KCND2: variants seen among roughly 807,000 people sequenced by gnomAD.
KCND2 encodes potassium voltage-gated channel subfamily D member 2, also known as A-type voltage-gated potassium channel KCND2.
KCND2 carries 16 observed loss-of-function variants against 54.4 expected under a neutral mutation model. The observed-to-expected ratio is 0.29, with a 90% CI of 0.20 to 0.45. The LOEUF (loss-of-function observed/expected upper bound fraction) is 0.45. Among genes scored for constraint, KCND2 ranks in the 20% least tolerant of loss-of-function variants. KCND2 has a pLI of 1.00. For synonymous variants in KCND2, 317 were observed against 310.7 expected, an observed-to-expected ratio of 1.02 and a Z score of -0.21; for missense variants, 486 against 824.2, an observed-to-expected ratio of 0.59 and a Z score of 5.02.
chr7:120,604,171 A>G (rs913010275), intron 1 of KCND2, among the ~76,000 whole-genome samples: 1 of 152,148 alleles, frequency 6.6e-6, no homozygotes, highest in Non-Finnish European at 1.5e-5. Context: ...GTGAGTGTGC[A>G]AGGAAGTCCT....
chr7:120,572,110 C>T (rs1029198888), intron 1 of KCND2, among the ~76,000 whole-genome samples: 1 of 151,004 alleles, frequency 6.6e-6, no homozygotes, highest in Non-Finnish European at 1.5e-5. Context: ...TGATCCTTGC[C>T]ATGTAAGTTC....
chr7:120,589,220 A>G (rs1405241657), intron 1 of KCND2, among the ~76,000 whole-genome samples: 1 of 152,242 alleles, frequency 6.6e-6, no homozygotes, highest in African/African-American at 2.4e-5. Context: ...TAGTAGAATT[A>G]TAAGTACACC....
chr7:120,603,522 T>G (rs1527650), intron 1 of KCND2, among the ~76,000 whole-genome samples: 22,820 of 152,126 alleles, frequency 0.15, 2,349 homozygotes, highest in African/African-American at 0.3. Context: ...GCACTGAGCT[T>G]GATATGTATG....
intron 1 of KCND2, among the ~76,000 whole-genome samples, chr7:120,389,835 AT>A (rs903245406): frequency 2.6e-5 from 4 of 151,852 alleles, no homozygotes; most frequent in African/African-American, 4.8e-5. Context: ...TTGTTGAATA[AT>A]TTTTTAAACC....
At chr7:120,278,675 C>T (rs536108105) in intron 1 of KCND2, among the ~76,000 whole-genome samples, 1 of 151,422 alleles carries the variant, frequency 6.6e-6, no homozygotes, top group Non-Finnish European at 1.5e-5. Flanking sequence ...GTATTTGTAT[C>T]ACCATTTTAT....
intron 1 of KCND2, among the ~76,000 whole-genome samples, chr7:120,683,455 T>G (rs555327679): frequency 2.6e-5 from 4 of 152,264 alleles, no homozygotes; most frequent in East Asian, 1.9e-4. Flanking sequence ...AGCACTAATT[T>G]GAAAGATGCT....
chr7:120,410,722 G>A (rs1801437820), intron 1 of KCND2, among the ~76,000 whole-genome samples: 1 of 121,676 alleles, frequency 8.2e-6, no homozygotes, highest in African/African-American at 3.3e-5. Flanking sequence ...ACAGGCCCTA[G>A]TGTGTGATGT....
chr7:120,473,989 C>T (rs773608413), intron 1 of KCND2, among the ~76,000 whole-genome samples: 1 of 152,162 alleles, frequency 6.6e-6, no homozygotes, highest in Non-Finnish European at 1.5e-5. Flanking sequence ...TCATTCTTGA[C>T]TGAAACCTGC....
chr7:120,470,534 C>G (rs183557278), intron 1 of KCND2, among the ~76,000 whole-genome samples: 1 of 152,018 alleles, frequency 6.6e-6, no homozygotes, highest in African/African-American at 2.4e-5. Flanking sequence ...AGGATGTTCT[C>G]CTCCTCCCAG....
intron 1 of KCND2, among the ~76,000 whole-genome samples, chr7:120,442,063 A>G (rs1330792998): frequency 2.6e-5 from 4 of 152,130 alleles, no homozygotes; most frequent in Non-Finnish European, 5.9e-5. Context: ...AACAGAAACT[A>G]TATTATTACA....
intron 1 of KCND2, among the ~76,000 whole-genome samples, chr7:120,353,599 G>T (rs1446846745): frequency 6.6e-6 from 1 of 152,150 alleles, no homozygotes; most frequent in Non-Finnish European, 1.5e-5. Flanking sequence ...CCAAGAATCG[G>T]TTAAGATTCT....
At chr7:120,551,321 C>G (rs1031141898) in intron 1 of KCND2, among the ~76,000 whole-genome samples, 4 of 152,168 alleles carry the variant, frequency 2.6e-5, no homozygotes, top group Non-Finnish European at 5.9e-5. Flanking sequence ...GTGAGCAGCT[C>G]AACATATGGA....
intron 1 of KCND2, among the ~76,000 whole-genome samples, chr7:120,346,826 T>G (rs1800325482): frequency 6.6e-6 from 1 of 152,122 alleles, no homozygotes; most frequent in Admixed American, 6.6e-5. Flanking sequence ...GAAGCTTCTT[T>G]TAGACATTCC....
intron 1 of KCND2, among the ~76,000 whole-genome samples, chr7:120,697,757 G>A (rs568603510): frequency 3.9e-5 from 6 of 152,218 alleles, no homozygotes; most frequent in East Asian, 1.9e-4. Flanking sequence ...GAAGCACCAC[G>A]CCACTGAACA....
chr7:120,436,931 A>G (rs1354553067), intron 1 of KCND2, among the ~76,000 whole-genome samples: 2 of 152,148 alleles, frequency 1.3e-5, no homozygotes, highest in Admixed American at 6.5e-5. Flanking sequence ...CTCTTTCAGT[A>G]TGGAGACTTG....
At chr7:120,416,614 G>A (rs987317964) in intron 1 of KCND2, among the ~76,000 whole-genome samples, 1 of 152,050 alleles carries the variant, frequency 6.6e-6, no homozygotes, top group African/African-American at 2.4e-5. Context: ...CCAGTGTATT[G>A]CTCTCACAAC....
chr7:120,609,032 TGG>T (rs1562886995), intron 1 of KCND2, among the ~76,000 whole-genome samples: 1 of 152,170 alleles, frequency 6.6e-6, no homozygotes, highest in Non-Finnish European at 1.5e-5. Flanking sequence ...CTACTCAGGC[TGG>T]GATATAACCT....
At chr7:120,415,329 A>G (rs999459442) in intron 1 of KCND2, among the ~76,000 whole-genome samples, 3 of 152,208 alleles carry the variant, frequency 2.0e-5, no homozygotes, top group Non-Finnish European at 4.4e-5. Flanking sequence ...TCAATTTTAT[A>G]TGGGAGACAA....
In KCND2 at chr7:120,538,477, G is replaced by A. The variant is rs1434196841; in HGVS notation, c.1116-194426G>A. ...ACAGGCCACTGGGACAACTATGATT[G>A]CCACCAAAAGCTGCATGGTCATGGT... is the stretch of plus-strand genomic sequence containing the variant. On this transcript the variant is annotated intron_variant, in intron 1 of 5. Transcript: ENST00000331113. Among the ~76,000 whole-genome samples the A allele has an allele frequency of 3.3e-5, 5 of 152,160 alleles. No homozygotes were observed. In the East Asian group the frequency reaches 7.7e-4, roughly 23 times the overall value.
Sources: allele counts gnomAD v4.1 joint callset (sites outside exome capture counted in the v4.1 genomes callset), GRCh38; gene constraint gnomAD v4.1.1; transcripts MANE v1.5; gene names NCBI Gene and HGNC (gene_info 2026-07-23, HGNC 2026-07-21).